The following CDA variants were observed in gnomAD, a reference collection of about 807,000 sequenced individuals.
The protein encoded by CDA is cytidine aminohydrolase.
CDA carries 7 observed loss-of-function variants against 15.0 expected under a neutral mutation model. That is an observed-to-expected ratio of 0.47 (90% CI 0.26 to 0.87). The LOEUF (loss-of-function observed/expected upper bound fraction) is 0.87. Ranked by LOEUF, CDA falls within the 40% of genes least tolerant of loss-of-function variation. The pLI is 0.15. For synonymous variants in CDA, 58 were observed against 73.0 expected (o/e 0.79, Z 1.05); for missense variants, 159 against 182.7 (o/e 0.87, Z 0.75).
rs553491066 is a variant in CDA at position 20,590,814 on chromosome 1, G to A, written c.154+1531G>A. On this transcript the variant is annotated intron_variant, in intron 1 of 3. Transcript: ENST00000375071. ...TTGGATGAATGAATGAGATGAGTACGTTTGGAGAAGCAGAAGGAAGAGGGA... is the reference window on the plus strand; with the variant it reads ...TTGGATGAATGAATGAGATGAGTACATTTGGAGAAGCAGAAGGAAGAGGGA... Among the ~76,000 whole-genome samples the A allele has an allele frequency of 4.5e-4, 69 of 152,308 alleles. 1 individual carries two copies. The South Asian group carries it at 0.01, about 23-fold the overall frequency.
chr1:20,603,169 T>C (rs190646985), intron 1 of CDA, among the ~76,000 whole-genome samples: 2 of 152,350 alleles, frequency 1.3e-5, no homozygotes, highest in Admixed American at 1.3e-4. Flanking sequence ...ACTAAGCCAA[T>C]GTCACATACT....
At chr1:20,605,108 T>TACTC in intron 2 of CDA, 69 bp downstream of exon 2, 1 of 902,844 alleles carries the variant, frequency 1.1e-6, no homozygotes, top group South Asian at 1.4e-5. Flanking sequence ...TTACACATAT[T>TACTC]ATTCATTCAT....
chr1:20,609,356 G>C (rs1461386805), intron 2 of CDA, among the ~76,000 whole-genome samples: 1 of 152,140 alleles, frequency 6.6e-6, no homozygotes, highest in African/African-American at 2.4e-5. Flanking sequence ...CGTGGTGGCG[G>C]GCACCTGTAG....
At position 20,595,820 on chromosome 1, in the gene CDA, G is replaced by A. The variant is rs1425673868; in HGVS notation, c.154+6537G>A. On this transcript the variant is annotated intron_variant, in intron 1 of 3. Coordinates refer to ENST00000375071, the MANE Select transcript of CDA (RefSeq NM_001785.3). ...ACGCCACTGCACTCCAGCCCAGCCC[G>A]GGCAACAGAGCAAGACTCTCTCAAA... is the stretch of plus-strand genomic sequence containing the variant. 3.4e-5 allele frequency among the ~76,000 whole-genome samples: 5 copies of A among 146,190 alleles called. No homozygotes were observed. In the East Asian group the frequency reaches 8.0e-4, roughly 23 times the overall value.
chr1:20,610,278 TATTTTATTTTTA>T (rs1557550509), intron 2 of CDA, among the ~76,000 whole-genome samples: 9 of 147,594 alleles, frequency 6.1e-5, no homozygotes, highest in Non-Finnish European at 1.4e-4. Flanking sequence ...TTTTTTATTT[TATTTTATTTTTA>T]TTTTTATTTA....
intron 1 of CDA, among the ~76,000 whole-genome samples, chr1:20,604,028 G>C (rs570222595): frequency 3.4e-5 from 5 of 146,302 alleles, no homozygotes; most frequent in Non-Finnish European, 7.6e-5. Context: ...CTCGCACAAA[G>C]CTCGAGGTGT....
intron 2 of CDA, among the ~76,000 whole-genome samples, chr1:20,611,925 C>T (rs55972936): frequency 0.091 from 13,865 of 152,154 alleles, 695 homozygotes; most frequent in African/African-American, 0.12. Flanking sequence ...TGCGGTGGCA[C>T]AATCACAGTT....
chr1:20,610,251 C>T (rs1421159479), intron 2 of CDA, among the ~76,000 whole-genome samples: 2 of 123,576 alleles, frequency 1.6e-5, no homozygotes, highest in Non-Finnish European at 3.4e-5. Context: ...ACATTCTAGG[C>T]ACACATTATC....
At chr1:20,598,397 C>A (rs2052608329) in intron 1 of CDA, among the ~76,000 whole-genome samples, 1 of 152,250 alleles carries the variant, frequency 6.6e-6, no homozygotes, top group Admixed American at 6.5e-5. Context: ...TTGCCAACAG[C>A]TTGACCTTGG....
At chr1:20,602,944 G>A (rs2052659877) in intron 1 of CDA, among the ~76,000 whole-genome samples, 1 of 152,178 alleles carries the variant, frequency 6.6e-6, no homozygotes. Flanking sequence ...GCTGGCTATT[G>A]TGGTGCCTGA....
At chr1:20,600,528 G>T (rs896747686) in intron 1 of CDA, among the ~76,000 whole-genome samples, 39 of 152,194 alleles carry the variant, frequency 2.6e-4, no homozygotes, top group African/African-American at 8.9e-4. Context: ...GGCCGAGCTG[G>T]GCGGATCACT....
At chr1:20,608,626 T>A (rs955066959) in intron 2 of CDA, among the ~76,000 whole-genome samples, 9 of 152,200 alleles carry the variant, frequency 5.9e-5, no homozygotes, top group Admixed American at 1.3e-4. Flanking sequence ...ACCAAGCTGG[T>A]CTCGAACTTC....
chr1:20,596,010 G>A (rs1415430020), intron 1 of CDA, among the ~76,000 whole-genome samples: 4 of 152,000 alleles, frequency 2.6e-5, no homozygotes, highest in African/African-American at 4.8e-5. Context: ...TTAGCCAGGC[G>A]TGGTGGCAGG....
At chr1:20,595,560 G>A (rs1238981118) in intron 1 of CDA, among the ~76,000 whole-genome samples, 5 of 152,044 alleles carry the variant, frequency 3.3e-5, no homozygotes, top group Non-Finnish European at 7.4e-5. Flanking sequence ...CTCCCATCAC[G>A]CCCCGTTTCC....
intron 2 of CDA, among the ~76,000 whole-genome samples, chr1:20,606,421 G>A (rs2052695754): frequency 6.6e-6 from 1 of 151,946 alleles, no homozygotes; most frequent in African/African-American, 2.4e-5. Context: ...TGAAATTGAG[G>A]CCCCGATAAG....
intron 1 of CDA, among the ~76,000 whole-genome samples, chr1:20,594,451 A>G (rs1473179217): frequency 6.6e-6 from 1 of 152,092 alleles, no homozygotes; most frequent in Admixed American, 6.6e-5. Context: ...AAGTGAGGAC[A>G]CAAAGAGGAG....
In CDA at chr1:20,618,530, TC is replaced by T; in HGVS notation, c.405del (p.Ser136ProfsTer51). The T allele has an allele frequency of 6.2e-7, 1 of 1,612,898 alleles. No individual in the cohort carries two copies. The highest frequency in any genetic ancestry group is 8.5e-7 in the Non-Finnish European group (1 of 1,179,094). On this transcript the variant is annotated frameshift_variant, in exon 4 of 4. Transcript: ENST00000375071. LOFTEE classifies it high-confidence loss of function. ...IVMTVQELLP[S>X]SFGPEDLQKT... ...CATGACGGTCCAGGAGCTGCTGCCCTCCTCCTTTGGGCCTGAGGACCTGCAG... is the reference window on the plus strand; with the variant it reads ...CATGACGGTCCAGGAGCTGCTGCCCTCTCCTTTGGGCCTGAGGACCTGCAG...
chr1:20,602,180 G>T (rs1340200321), intron 1 of CDA, among the ~76,000 whole-genome samples: 1 of 148,926 alleles, frequency 6.7e-6, no homozygotes, highest in African/African-American at 2.5e-5. Flanking sequence ...GGAGGGGAGG[G>T]AAGGCTAAGT....
At chr1:20,599,174 G>A (rs1201748272) in intron 1 of CDA, among the ~76,000 whole-genome samples, 2 of 152,176 alleles carry the variant, frequency 1.3e-5, no homozygotes, top group Non-Finnish European at 2.9e-5. Flanking sequence ...AACAGCTTGT[G>A]CAAAGGCCCT....
Sources: gnomAD v4.1 joint callset for allele counts (sites outside exome capture counted in the v4.1 genomes callset) on GRCh38, gnomAD v4.1.1 for gene constraint, MANE v1.5 for transcripts, NCBI Gene and HGNC (gene_info 2026-07-23, HGNC 2026-07-21) for gene names.